Variants in PLA2G4E observed in about 807,000 individuals in gnomAD.
The protein encoded by PLA2G4E is cytosolic phospholipase A2 epsilon.
A neutral mutation model predicts 109.1 loss-of-function variants in PLA2G4E; 84 were observed. The ratio of observed to expected loss-of-function variants is 0.77; its 90% CI spans 0.65 to 0.92. PLA2G4E has a LOEUF of 0.92. PLA2G4E is among the 40% of genes least tolerant of loss of function. The pLI is 0.00. For missense variants in PLA2G4E, 1,057 were observed against 1,076.6 expected, an observed-to-expected ratio of 0.98 and a Z score of 0.25; for synonymous variants, 469 against 436.1, an observed-to-expected ratio of 1.08 and a Z score of -0.94.
At chr15:42,002,264 C>G (rs1304027012) in intron 6 of PLA2G4E, among the ~76,000 whole-genome samples, 1 of 73,234 alleles carries the variant, frequency 1.4e-5, no homozygotes, top group African/African-American at 6.2e-5. Flanking sequence ...GACCTTGTCT[C>G]AAAAAAAAAA....
At chr15:41,985,035 T>C (rs2141019789) in intron 18 of PLA2G4E, among the ~76,000 whole-genome samples, 1 of 152,290 alleles carries the variant, frequency 6.6e-6, no homozygotes, top group South Asian at 2.1e-4. Flanking sequence ...TCTAAAAGCA[T>C]GATGTCGCAG....
At chr15:41,983,966 G>T in exon 20 of PLA2G4E, 1 of 1,606,974 alleles carries the variant, frequency 6.2e-7, no homozygotes, top group Non-Finnish European at 8.5e-7. Flanking sequence ...TCAGGGCTTC[G>T]CTCTACACCT....
exon 20 of PLA2G4E, chr15:41,983,895 C>T: frequency 6.2e-7 from 1 of 1,613,526 alleles, no homozygotes; most frequent in East Asian, 2.2e-5. Context: ...TGTATGTCAG[C>T]TCCTTGGTGG....
At chr15:42,023,693 A>T (rs2068668441) in intron 1 of PLA2G4E, among the ~76,000 whole-genome samples, 1 of 151,712 alleles carries the variant, frequency 6.6e-6, no homozygotes, top group African/African-American at 2.4e-5. Context: ...TCCCAATCAG[A>T]TAGGCCAGGT....
intron 15 of PLA2G4E, 125 bp from the exon 16 acceptor site, chr15:41,988,281 A>G (rs2068183547): frequency 4.7e-6 from 3 of 637,230 alleles, no homozygotes; most frequent in East Asian, 2.9e-5. Context: ...GGCGGGACAG[A>G]CTTCAGACTT....
chr15:42,040,756 G>T (rs879031605), intron 1 of PLA2G4E, among the ~76,000 whole-genome samples: 1 of 152,172 alleles, frequency 6.6e-6, no homozygotes, highest in South Asian at 2.1e-4. Flanking sequence ...CCAGAACTTC[G>T]CTGAACATTG....
At chr15:42,035,543 G>A (rs1595577429) in intron 1 of PLA2G4E, among the ~76,000 whole-genome samples, 1 of 152,308 alleles carries the variant, frequency 6.6e-6, no homozygotes, top group Non-Finnish European at 1.5e-5. Flanking sequence ...AGGCAGGATG[G>A]GGCAGGCCCA....
At chr15:42,048,026 T>A (rs10851406) in intron 1 of PLA2G4E, among the ~76,000 whole-genome samples, 37,544 of 152,194 alleles carry the variant, frequency 0.25, 4,778 homozygotes, top group South Asian at 0.37. Context: ...ATTGTTATGC[T>A]CTGCATAATG....
exon 9 of PLA2G4E, chr15:41,999,921 G>A (rs2068396247): frequency 1.9e-6 from 3 of 1,608,948 alleles, no homozygotes; most frequent in Non-Finnish European, 2.5e-6. Context: ...ACTCACCACA[G>A]GCAGGGTCAT....
intron 12 of PLA2G4E, among the ~76,000 whole-genome samples, chr15:41,994,562 C>G (rs1184936512): frequency 6.6e-6 from 1 of 152,160 alleles, no homozygotes. Context: ...CAAGTCCTCC[C>G]TATGTGGCCC....
intron 6 of PLA2G4E, 72 bp downstream of exon 6, chr15:42,002,582 T>G: frequency 6.8e-7 from 1 of 1,468,552 alleles, no homozygotes; most frequent in Non-Finnish European, 9.3e-7. Flanking sequence ...GTTTTCTCCC[T>G]TGGTCCTGTT....
chr15:42,001,124 C>G, intron 7 of PLA2G4E, 33 bp downstream of exon 7: 1 of 1,584,896 alleles, frequency 6.3e-7, no homozygotes, highest in Non-Finnish European at 8.7e-7. Context: ...TCCCCCTTGT[C>G]CCCCAGTAGG....
Position 42,006,212 on chromosome 15 carries a change from G to A in PLA2G4E, c.394-91C>T. On this transcript the variant is annotated intron_variant, in intron 3 of 19. Transcript: ENST00000399518. ...GGCTTGACCTCTGTCCTAGCAAGGA[G>A]GTAGGTCTGGGGGATGGGAGACAGC... The A allele has an allele frequency of 1.1e-5, 17 of 1,520,742 alleles. No homozygotes were observed. In the South Asian group the frequency reaches 1.8e-4, roughly 16 times the overall value. 94.2% of individuals were successfully genotyped at this position (1,520,742 alleles called of 1,614,324 possible). A position where few individuals can be genotyped will look rare whatever the true frequency, so the allele number is the denominator to read the frequency against.
chr15:42,041,712 C>G (rs1351053472), intron 1 of PLA2G4E, among the ~76,000 whole-genome samples: 1 of 152,170 alleles, frequency 6.6e-6, no homozygotes, highest in East Asian at 1.9e-4. Context: ...ACCACTCTTT[C>G]ATGCTTATTC....
chr15:42,022,949 T>A (rs764466821), intron 1 of PLA2G4E, among the ~76,000 whole-genome samples: 14 of 152,084 alleles, frequency 9.2e-5, no homozygotes, highest in Admixed American at 6.5e-4. Flanking sequence ...GCATCTGAAT[T>A]GGGCTTTAGA....
At chr15:42,002,847 A>T (rs2141044846) in intron 5 of PLA2G4E, among the ~76,000 whole-genome samples, 151 bp from the exon 6 acceptor site, 1 of 152,350 alleles carries the variant, frequency 6.6e-6, no homozygotes, top group South Asian at 2.1e-4. Context: ...CCTTAGCCTT[A>T]TAGGTTGTCA....
At chr15:42,049,348 A>G (rs924844237) in intron 1 of PLA2G4E, among the ~76,000 whole-genome samples, 1 of 152,200 alleles carries the variant, frequency 6.6e-6, no homozygotes, top group African/African-American at 2.4e-5. Context: ...CACTCCCATG[A>G]TCATGACATG....
intron 1 of PLA2G4E, among the ~76,000 whole-genome samples, chr15:42,040,914 C>G (rs1450455600): frequency 6.6e-6 from 1 of 152,130 alleles, no homozygotes; most frequent in Admixed American, 6.5e-5. Context: ...AATCAATGGA[C>G]TATGCAATAA....
chr15:41,998,325 A>G (rs764332366), intron 10 of PLA2G4E: 1 of 152,222 alleles, frequency 6.6e-6, no homozygotes, highest in Non-Finnish European at 1.5e-5. Context: ...TAATAATAAT[A>G]CAACAACAAT....
Sources: allele counts gnomAD v4.1 joint callset (sites outside exome capture counted in the v4.1 genomes callset), GRCh38; gene constraint gnomAD v4.1.1; transcripts MANE v1.5; gene names NCBI Gene and HGNC (gene_info 2026-07-23, HGNC 2026-07-21).